Variants in RAVER1 observed in about 807,000 individuals in gnomAD.
RAVER1 encodes ribonucleoprotein PTB-binding 1.
Under a neutral mutation model 68.4 loss-of-function variants are expected in RAVER1, and 36 were observed. The ratio of observed to expected loss-of-function variants is 0.53; its 90% CI spans 0.40 to 0.70. The LOEUF is 0.70. Among genes scored for constraint, RAVER1 ranks in the 30% least tolerant of loss-of-function variants. The probability of loss-of-function intolerance (pLI) is 0.00; values close to 1 mark genes in which losing one functional copy is unlikely to be tolerated. For missense variants in RAVER1, 933 were observed against 1,019.8 expected (o/e 0.91, Z 1.16); for synonymous variants, 469 against 472.7 (o/e 0.99, Z 0.10).
intron 10 of RAVER1, among the ~76,000 whole-genome samples, chr19:10,318,777 C>A (rs1366525154): frequency 6.6e-6 from 1 of 152,222 alleles, no homozygotes; most frequent in African/African-American, 2.4e-5. Context: ...CGAATGGGCA[C>A]ACAGAAACTG....
rs778211823 is a variant in RAVER1, at chr19:10,333,281, C to T, written c.219+8G>A. 4 of 1,612,444 alleles carry T rather than the reference C, an allele frequency of 2.5e-6. No homozygotes were observed. Among genetic ancestry groups the T allele is most frequent in the Admixed American group, 1.7e-5 (1 of 59,950 alleles). ...CCCGCCACGCTCCTACACCGCCCCC[C>T]CCAATACCTGGTTGGTCACGTCCCC... On this transcript the variant is annotated splice_region_variant and intron_variant, in intron 1 of 12. Transcript: ENST00000617231. This position sits in a 1 kb window ranked among gnomAD's most constrained non-coding sequence, Gnocchi z 4.2.
Position 10,316,315 on chromosome 19 carries a change from C to T in RAVER1, c.*1139G>A, listed in dbSNP as rs2040387284. On this transcript the variant is annotated 3_prime_UTR_variant, in exon 13 of 13. Coordinates refer to ENST00000617231, the MANE Select transcript of RAVER1 (RefSeq NM_133452.3). The stretch of plus-strand genomic sequence containing the variant: ...AGTCCCCTTGGAGTGGATGTGGACC[C>T]CCAGAGTCAAGGGAGGGAAGCTGGT... 1 of 1,167,230 alleles carries T rather than the reference C, an allele frequency of 8.6e-7. No individual in the cohort carries two copies. The highest frequency in any genetic ancestry group is 2.2e-5 in the South Asian group (1 of 44,550). The allele number at this position is 1,167,230 out of a possible 1,614,324, so 72.3% of individuals were successfully genotyped here.
chr19:10,317,686 G>T lies in RAVER1; in HGVS notation c.2073+4C>A. ...CCCTGCATGTCCCCACCCCCTGCCC[G>T]TACCTTCAGCAGGTGGCTGTGACCA... is the stretch of plus-strand genomic sequence containing the variant. On this transcript the variant is annotated splice_donor_region_variant and intron_variant, in intron 12 of 12. Coordinates refer to ENST00000617231, the MANE Select transcript of RAVER1 (RefSeq NM_133452.3). The surrounding 1 kb of genome is among the most constrained non-coding windows in gnomAD (Gnocchi z 4.3). 6.4e-7 allele frequency: 1 copy of T among 1,572,834 alleles called. No individual in the cohort carries two copies. The highest frequency in any genetic ancestry group is 8.6e-7 in the Non-Finnish European group (1 of 1,157,158).
At position 10,317,653 on chromosome 19, in the gene RAVER1, C is replaced by A. The variant is rs556543258; in HGVS notation, c.2073+37G>T. On this transcript the variant is annotated intron_variant, in intron 12 of 12. Transcript: ENST00000617231. This position sits in a 1 kb window ranked among gnomAD's most constrained non-coding sequence, Gnocchi z 4.3. The stretch of plus-strand genomic sequence containing the variant: ...GTCAGGGGCCGCTGGGGGGCCGGGG[C>A]TTCCCAGCCCTGCATGTCCCCACCC... 6.5e-7 allele frequency: 1 copy of A among 1,537,102 alleles called. No homozygotes were observed. The highest frequency in any genetic ancestry group is 1.4e-5 in the African/African-American group (1 of 73,278).
rs61614587 is a variant in RAVER1, at chr19:10,331,684, C to CAAAAAAAA, written c.220-1166_220-1159dup. On this transcript the variant is annotated intron_variant, in intron 1 of 12. Transcript: ENST00000617231. The stretch of plus-strand genomic sequence containing the variant: ...CTGGCGACAGAGTGAGACTCCGTCT[C>CAAAAAAAA]AAAAAAAAAAAAAAAAAAAAAAAGA... 1.1e-3 allele frequency among the ~76,000 whole-genome samples: 79 copies of CAAAAAAAA among 73,282 alleles called. 2 individuals carry two copies. Among genetic ancestry groups the CAAAAAAAA allele is most frequent in the Non-Finnish European group, 1.7e-3 (73 of 41,802 alleles). The allele number at this position is 73,282 out of a possible 152,430, so 48.1% of individuals were successfully genotyped here. A position where few individuals can be genotyped will look rare whatever the true frequency, so the allele number is the denominator to read the frequency against.
At position 10,318,278 on chromosome 19, in the gene RAVER1, T is replaced by C. The variant is rs1195248856; in HGVS notation, c.1940A>G (p.Tyr647Cys). 3.1e-6 allele frequency: 5 copies of C among 1,603,508 alleles called. No individual in the cohort carries two copies. The South Asian group carries it at 5.6e-5, about 18-fold the overall frequency. The stretch of plus-strand genomic sequence containing the variant: ...GCCAGCCTGCAGGCCGCTGGTGAAG[T>C]AGGAAGTGGGCGAGCCTGAATAGAA... ...SHFYSGSPTS[Y>C]FTSGLQAGLK... The change falls in exon 11 of 13, where the codon TAC becomes TGC. Residue 647 changes from tyrosine (Y) to cysteine (C), a missense_variant. Tyr to Cys is a radical substitution (Grantham distance 194). Transcript: ENST00000617231.
At chr19:10,318,648 C>T (rs896668025) in intron 10 of RAVER1, among the ~76,000 whole-genome samples, 1 of 152,186 alleles carries the variant, frequency 6.6e-6, no homozygotes, top group African/African-American at 2.4e-5. Flanking sequence ...GCGTGAGCCA[C>T]CATGCCCGGC....
rs1227352322 is a variant in RAVER1 at position 10,317,412 on chromosome 19, C to T, written c.*42G>A. The stretch of plus-strand genomic sequence containing the variant: ...AACAAAACATCAGAAAACCCAAAAG[C>T]GATTTGGTGCAGGCCCTTGAGTTAT... On this transcript the variant is annotated 3_prime_UTR_variant, in exon 13 of 13. Transcript: ENST00000617231. The surrounding 1 kb of genome is among the most constrained non-coding windows in gnomAD (Gnocchi z 4.3). The T allele has an allele frequency of 5.0e-6, 8 of 1,600,162 alleles. No homozygotes were observed. The highest frequency in any genetic ancestry group is 4.0e-5 in the African/African-American group (3 of 74,406).
Position 10,322,491 on chromosome 19 carries a change from G to C in RAVER1, c.1173+154C>G. ...GCCAGAGGGGGATGGGGATGTGGGTGGGAAAGGCAGGGGTTTGGGGGAGTC... is the reference window on the plus strand; with the variant it reads ...GCCAGAGGGGGATGGGGATGTGGGTCGGAAAGGCAGGGGTTTGGGGGAGTC... On this transcript the variant is annotated intron_variant, in intron 6 of 12. Coordinates refer to ENST00000617231, the MANE Select transcript of RAVER1 (RefSeq NM_133452.3). This position sits in a 1 kb window ranked among gnomAD's most constrained non-coding sequence, Gnocchi z 4.3. 7.2e-6 allele frequency: 4 copies of C among 558,710 alleles called. No homozygotes were observed. The highest frequency in any genetic ancestry group is 1.3e-5 in the Non-Finnish European group (4 of 319,866). The allele number at this position is 558,710 out of a possible 1,614,324, so 34.6% of individuals were successfully genotyped here.
rs1233559440 is a variant in RAVER1, at chr19:10,322,762, G to A, written c.1079-23C>T. The stretch of plus-strand genomic sequence containing the variant: ...GGCCTGGAGGGAGACATAGGAGGAT[G>A]TGTGGGGGTCCCTGTGTCCTCCCTG... On this transcript the variant is annotated intron_variant, in intron 5 of 12. Coordinates refer to ENST00000617231, the MANE Select transcript of RAVER1 (RefSeq NM_133452.3). The surrounding 1 kb of genome is among the most constrained non-coding windows in gnomAD (Gnocchi z 4.3). 2.9e-6 allele frequency: 4 copies of A among 1,369,430 alleles called. No homozygotes were observed. The East Asian group carries it at 8.4e-5, about 29-fold the overall frequency. The allele number at this position is 1,369,430 out of a possible 1,614,324, so 84.8% of individuals were successfully genotyped here.
At chr19:10,330,379 G>A (rs2040505364) in intron 2 of RAVER1, 81 bp downstream of exon 2, 1 of 721,280 alleles carries the variant, frequency 1.4e-6, no homozygotes, top group Non-Finnish European at 2.5e-6. Flanking sequence ...CTGAAGCTCA[G>A]AGCAGCAGAC....
Position 10,316,707 on chromosome 19 carries a change from C to T in RAVER1, c.*747G>A, listed in dbSNP as rs2040391343. 3 of 315,528 alleles carry T rather than the reference C, an allele frequency of 9.5e-6. No individual in the cohort carries two copies. In the South Asian group the frequency reaches 3.7e-4, roughly 39 times the overall value. 19.5% of individuals were successfully genotyped at this position (315,528 alleles called of 1,614,324 possible). ...AGGGTGGAGATCCTGGGTAGGGTGG[C>T]CCAATCCCTAGGCCAGAGCTGTTTG... On this transcript the variant is annotated 3_prime_UTR_variant, in exon 13 of 13. Transcript: ENST00000617231.
At chr19:10,324,248 G>A (rs922947840) in intron 3 of RAVER1, among the ~76,000 whole-genome samples, 6 of 152,164 alleles carry the variant, frequency 3.9e-5, no homozygotes, top group Admixed American at 1.3e-4. Context: ...AGTGCTAAGG[G>A]AAGTGGTTGG....
In RAVER1 at chr19:10,322,555, A is replaced by G; in HGVS notation, c.1173+90T>C. 1.0e-6 allele frequency: 1 copy of G among 959,140 alleles called. No individual in the cohort carries two copies. The highest frequency in any genetic ancestry group is 3.6e-5 in the Admixed American group (1 of 28,068). The allele number at this position is 959,140 out of a possible 1,614,324, so 59.4% of individuals were successfully genotyped here. The stretch of plus-strand genomic sequence containing the variant: ...TTCTGCGCCCCCAGGGCACAGCCAG[A>G]GGTCCCCCCACCCCACCGATCGCAC... On this transcript the variant is annotated intron_variant, in intron 6 of 12. Coordinates refer to ENST00000617231, the MANE Select transcript of RAVER1 (RefSeq NM_133452.3). The surrounding 1 kb of genome is among the most constrained non-coding windows in gnomAD (Gnocchi z 4.3).
chr19:10,330,188 G>C (rs991315441), intron 2 of RAVER1, among the ~76,000 whole-genome samples: 1 of 151,906 alleles, frequency 6.6e-6, no homozygotes, highest in Non-Finnish European at 1.5e-5. Context: ...GGGGTAAGAA[G>C]AGAATGAACC....
Position 10,330,453 on chromosome 19 carries a change from C to A in RAVER1, c.286+7G>T. 6.9e-7 allele frequency: 1 copy of A among 1,456,342 alleles called. No individual in the cohort carries two copies. Among genetic ancestry groups the A allele is most frequent in the South Asian group, 1.2e-5 (1 of 83,088 alleles). The allele number at this position is 1,456,342 out of a possible 1,614,324, so 90.2% of individuals were successfully genotyped here. ...CCTGCCCTGGCCCGCCCCATGGCCC[C>A]ACAAACCTGTCCCTTTGTATTTGTC... On this transcript the variant is annotated splice_region_variant and intron_variant, in intron 2 of 12. Coordinates refer to ENST00000617231, the MANE Select transcript of RAVER1 (RefSeq NM_133452.3).
intron 6 of RAVER1, 33 bp from the exon 7 acceptor site, chr19:10,321,651 G>A: frequency 7.2e-7 from 1 of 1,391,090 alleles, no homozygotes; most frequent in Non-Finnish European, 9.4e-7. Flanking sequence ...TGCAGATGGG[G>A]GCAGGGTGGC....
At position 10,333,191 on chromosome 19, in the gene RAVER1, C is replaced by T. The variant is rs2145088586; in HGVS notation, c.219+98G>A. 2 of 1,254,240 alleles carry T rather than the reference C, an allele frequency of 1.6e-6. No individual in the cohort carries two copies. The highest frequency in any genetic ancestry group is 2.2e-6 in the Non-Finnish European group (2 of 917,462). 77.7% of individuals were successfully genotyped at this position (1,254,240 alleles called of 1,614,324 possible). On this transcript the variant is annotated intron_variant, in intron 1 of 12. Coordinates refer to ENST00000617231, the MANE Select transcript of RAVER1 (RefSeq NM_133452.3). The surrounding 1 kb of genome is among the most constrained non-coding windows in gnomAD (Gnocchi z 4.2). Reference sequence around the variant, plus strand: ...TCCGGTGCTTGGGCGCCCCCGCCAACGACCCCCGCGCACCTCAGCGTTGGT... The same window carrying T: ...TCCGGTGCTTGGGCGCCCCCGCCAATGACCCCCGCGCACCTCAGCGTTGGT...
intron 3 of RAVER1, among the ~76,000 whole-genome samples, chr19:10,324,830 A>G (rs938780175): frequency 1.3e-4 from 20 of 152,150 alleles, no homozygotes; most frequent in African/African-American, 4.1e-4. Context: ...GTCACCTAAC[A>G]TTAAAGGTGG....
Sources: gnomAD v4.1 joint callset for allele counts (sites outside exome capture counted in the v4.1 genomes callset) on GRCh38, gnomAD v4.1.1 for gene constraint, Gnocchi (gnomAD v3.1) non-coding constraint, MANE v1.5 for transcripts, NCBI Gene and HGNC (gene_info 2026-07-23, HGNC 2026-07-21) for gene names.